The following ACACA variants were observed in gnomAD, a reference collection of about 807,000 sequenced individuals.
ACACA encodes acetyl-CoA carboxylase 1.
A neutral mutation model predicts 296.1 loss-of-function variants in ACACA; 103 were observed. The ratio of observed to expected loss-of-function variants is 0.35; its 90% CI spans 0.30 to 0.41. The LOEUF is 0.41. Among genes scored for constraint, ACACA ranks in the 10% least tolerant of loss-of-function variants. The pLI is 1.00. For synonymous variants in ACACA, 953 were observed against 1,038.6 expected, an observed-to-expected ratio of 0.92 and a Z score of 1.58; for missense variants, 1,554 against 2,989.7, an observed-to-expected ratio of 0.52 and a Z score of 11.20.
chr17:37,341,632 G>A (rs1318775006), intron 1 of ACACA, among the ~76,000 whole-genome samples: 2 of 151,098 alleles, frequency 1.3e-5, no homozygotes, highest in African/African-American at 4.9e-5. Context: ...GGAGGTTGCA[G>A]TGAGCCAAGA....
chr17:37,373,021 T>C (rs1303205344), intron 1 of ACACA, among the ~76,000 whole-genome samples: 3 of 151,094 alleles, frequency 2.0e-5, no homozygotes, highest in African/African-American at 7.3e-5. Flanking sequence ...GCTGGGACTA[T>C]AGGCATGTGC....
chr17:37,129,221 G>T, intron 47 of ACACA, 144 bp downstream of exon 47: 1 of 1,093,666 alleles, frequency 9.1e-7, no homozygotes, highest in Middle Eastern at 2.1e-4. Context: ...TCTTCAGAGG[G>T]CTGGTTTTCA....
chr17:37,345,518 A>C (rs907002273), intron 1 of ACACA: 9 of 152,220 alleles, frequency 5.9e-5, no homozygotes, highest in Non-Finnish European at 1.0e-4. Context: ...CAGACAATAA[A>C]GATTACCAGA....
intron 23 of ACACA, among the ~76,000 whole-genome samples, chr17:37,241,680 C>T (rs983712855): frequency 2.6e-5 from 4 of 151,620 alleles, no homozygotes; most frequent in South Asian, 2.1e-4. Context: ...GCACTCCAGT[C>T]GGGGCAACAG....
At chr17:37,136,197 T>C (rs2075325124) in intron 45 of ACACA, among the ~76,000 whole-genome samples, 1 of 152,116 alleles carries the variant, frequency 6.6e-6, no homozygotes, top group Non-Finnish European at 1.5e-5. Flanking sequence ...ATTTTCATCA[T>C]CCCAAAGTCT....
chr17:37,121,312 A>G, intron 50 of ACACA, 43 bp downstream of exon 50: 2 of 1,613,570 alleles, frequency 1.2e-6, no homozygotes, highest in Non-Finnish European at 1.7e-6. Context: ...CAGAGTGCCC[A>G]GTAATCAGTG....
At chr17:37,146,853 C>T (rs1009743623) in intron 45 of ACACA, among the ~76,000 whole-genome samples, 1 of 150,584 alleles carries the variant, frequency 6.6e-6, no homozygotes, top group Non-Finnish European at 1.5e-5. Context: ...CCCCAACCCC[C>T]CTTCCTGCAA....
chr17:37,157,527 C>CT, intron 42 of ACACA, among the ~76,000 whole-genome samples: 1 of 121,444 alleles, frequency 8.2e-6, no homozygotes. Context: ...CTAGATCATT[C>CT]TATCTTTTTT....
intron 41 of ACACA, among the ~76,000 whole-genome samples, chr17:37,176,733 T>C (rs1439577398): frequency 6.6e-6 from 1 of 152,204 alleles, no homozygotes; most frequent in Non-Finnish European, 1.5e-5. Flanking sequence ...CATCCTTAGA[T>C]TGGTCAGTCT....
At chr17:37,349,409 ATATAT>A (rs1041102242) in intron 1 of ACACA, among the ~76,000 whole-genome samples, 1 of 147,644 alleles carries the variant, frequency 6.8e-6, no homozygotes, top group African/African-American at 2.5e-5. Flanking sequence ...CATATATATA[ATATAT>A]ATTATATATA....
chr17:37,095,578 T>C (rs2072936037), intron 54 of ACACA, among the ~76,000 whole-genome samples: 1 of 152,182 alleles, frequency 6.6e-6, no homozygotes, highest in Non-Finnish European at 1.5e-5. Context: ...AGAGTGCCCC[T>C]CTTTGTGGGC....
At position 37,315,145 on chromosome 17, in the gene ACACA, A is replaced by T. The variant is rs548390358; in HGVS notation, c.338+15028T>A. On this transcript the variant is annotated intron_variant, in intron 3 of 55. Transcript: ENST00000616317. ...AACTAATTTTGTATTTTTAGTAGAG[A>T]TGGGGTTTCTCCATGTTGGTCAGGC... Among the ~76,000 whole-genome samples, 38 of 151,680 alleles carry T rather than the reference A, an allele frequency of 2.5e-4. 2 individuals carry two copies. The South Asian group carries it at 7.5e-3, about 30-fold the overall frequency.
intron 32 of ACACA, among the ~76,000 whole-genome samples, 186 bp downstream of exon 32, chr17:37,206,597 T>A (rs544187601): frequency 7.9e-5 from 12 of 152,336 alleles, no homozygotes; most frequent in East Asian, 3.9e-4. Flanking sequence ...ATAGTTTTTT[T>A]AAGTTAGGAT....
chr17:37,234,823 G>C (rs17848760), intron 25 of ACACA, 152 bp downstream of exon 25: 14,240 of 877,620 alleles, frequency 0.016, 258 homozygotes, highest in African/African-American at 0.056. Flanking sequence ...AAAGGTAGAT[G>C]TGAGAAACTG....
chr17:37,161,892 T>G lies in ACACA; in HGVS notation c.5238A>C (p.Glu1746Asp). ...FLRASELARA[E>D]GIPRIYVSAN... ...CTGATACATAGATGCGTGGAATACCTTCTGCCCTAGCAAGTTCGGAAGCTC... is the reference window on the plus strand; with the variant it reads ...CTGATACATAGATGCGTGGAATACCGTCTGCCCTAGCAAGTTCGGAAGCTC... Residue 1746 changes from glutamate (E) to aspartate (D), a missense_variant, in exon 42 of 56, where the codon GAA becomes GAC. Physicochemically the swap from Glu to Asp is conservative, Grantham distance 45 (BLOSUM62 2). Around this residue, in one of 16 missense-constraint regions of ACACA, gnomAD observed 553 missense variants for 1,043.6 expected, o/e 0.53. Coordinates refer to ENST00000616317, the MANE Select transcript of ACACA (RefSeq NM_198834.3). 1.9e-6 allele frequency: 3 copies of G among 1,614,228 alleles called. No individual in the cohort carries two copies. Among genetic ancestry groups the G allele is most frequent in the Non-Finnish European group, 2.5e-6 (3 of 1,180,032 alleles).
At chr17:37,234,228 G>A (rs1031092312) in intron 25 of ACACA, among the ~76,000 whole-genome samples, 1 of 152,158 alleles carries the variant, frequency 6.6e-6, no homozygotes, top group Non-Finnish European at 1.5e-5. Flanking sequence ...CATGGGGTGA[G>A]GGACTCTAGG....
At chr17:37,373,631 C>A (rs932327120) in intron 1 of ACACA, among the ~76,000 whole-genome samples, 1 of 152,154 alleles carries the variant, frequency 6.6e-6, no homozygotes, top group Non-Finnish European at 1.5e-5. Context: ...CTTCATCTTT[C>A]GCCAAGCACA....
chr17:37,109,879 C>T (rs546662100), intron 52 of ACACA, among the ~76,000 whole-genome samples: 1 of 152,216 alleles, frequency 6.6e-6, no homozygotes, highest in Non-Finnish European at 1.5e-5. Flanking sequence ...GCAGTGAACC[C>T]CCAGTTAATG....
intron 2 of ACACA, among the ~76,000 whole-genome samples, chr17:37,337,256 A>AT (rs150226507): frequency 2.0e-5 from 3 of 151,972 alleles, no homozygotes; most frequent in South Asian, 2.1e-4. Flanking sequence ...CTAAAAAAAA[A>AT]TTTTTTTTAA....
Sources: gnomAD v4.1 joint callset for allele counts (sites outside exome capture counted in the v4.1 genomes callset) on GRCh38, gnomAD v4.1.1 for gene constraint, gnomAD v4.1.1 regional missense constraint, MANE v1.5 for transcripts, NCBI Gene and HGNC (gene_info 2026-07-23, HGNC 2026-07-21) for gene names.